DSP: variants seen among roughly 807,000 people sequenced by gnomAD.
The protein encoded by DSP is 250/210 kDa paraneoplastic pemphigus antigen.
A neutral mutation model predicts 290.6 loss-of-function variants in DSP; 114 were observed. The ratio of observed to expected loss-of-function variants is 0.39; its 90% CI spans 0.34 to 0.46. DSP has a LOEUF of 0.46. Among genes scored for constraint, DSP ranks in the 20% least tolerant of loss-of-function variants. The pLI is 0.99. For missense variants in DSP, 3,230 were observed against 3,495.8 expected, an observed-to-expected ratio of 0.92 and a Z score of 1.92; for synonymous variants, 1,311 against 1,316.4, an observed-to-expected ratio of 1.00 and a Z score of 0.09.
At chr6:7,552,564 GAAAA>G (rs377022218) in intron 1 of DSP, among the ~76,000 whole-genome samples, 1 of 101,608 alleles carries the variant, frequency 9.8e-6, no homozygotes, top group Admixed American at 1.1e-4. Flanking sequence ...CTCCATCTCG[GAAAA>G]AAAAAAAAAA....
Position 7,583,994 on chromosome 6 carries a change from C to G in DSP, c.6732C>G (p.Asp2244Glu), listed in dbSNP as rs764124433. ...NELESGQISY[D>E]EVGERIKDFL... Reference sequence around the variant, plus strand: ...TGGAATCTGGTCAGATTTCTTATGACGAGGTTGGTGAGAGAATTAAGGACT... The same window carrying G: ...TGGAATCTGGTCAGATTTCTTATGAGGAGGTTGGTGAGAGAATTAAGGACT... The change falls in exon 24 of 24, where the codon GAC becomes GAG. Residue 2244 changes from aspartate to glutamate, a missense_variant. Physicochemically the swap from Asp to Glu is conservative, Grantham distance 45. Coordinates refer to ENST00000379802, the MANE Select transcript of DSP (RefSeq NM_004415.4). This position sits in a 1 kb window ranked among gnomAD's most constrained non-coding sequence, Gnocchi z 4.0. 1.2e-6 allele frequency: 2 copies of G among 1,614,084 alleles called. No individual in the cohort carries two copies. Among genetic ancestry groups the G allele is most frequent in the East Asian group, 4.5e-5 (2 of 44,880 alleles).
chr6:7,558,150 G>A lies in DSP; in HGVS notation c.308G>A (p.Arg103Gln), dbSNP rs775015862. 15 of 1,614,056 alleles carry A rather than the reference G, an allele frequency of 9.3e-6. No individual in the cohort carries two copies. Among genetic ancestry groups the A allele is most frequent in the East Asian group, 2.2e-5 (1 of 44,902 alleles). The change falls in exon 3 of 24, where the codon CGG (arginine) becomes CAG (glutamine). Residue 103 changes from arginine to glutamine, a missense_variant. Arg to Gln is a conservative substitution (Grantham distance 43). Around this residue, in one of 5 missense-constraint regions of DSP, gnomAD observed 646 missense variants for 684.3 expected, o/e 0.94. Transcript: ENST00000379802. The stretch of plus-strand genomic sequence containing the variant: ...TATGGAGATGGAATACAACTGACTC[G>A]GAGTCGAGAATTGGATGAGTGTTTT... The part of the protein sequence containing the change: ...LKYGDGIQLT[R>Q]SRELDECFAQ...
At chr6:7,549,419 G>A (rs1758268351) in intron 1 of DSP, among the ~76,000 whole-genome samples, 1 of 152,188 alleles carries the variant, frequency 6.6e-6, no homozygotes, top group African/African-American at 2.4e-5. Flanking sequence ...GAAGTGTTGG[G>A]ATTACAGGCG....
At position 7,581,483 on chromosome 6, in the gene DSP, G is replaced by A; in HGVS notation, c.5293G>A (p.Glu1765Lys). 6.2e-7 allele frequency: 1 copy of A among 1,613,590 alleles called. No individual in the cohort carries two copies. Among genetic ancestry groups the A allele is most frequent in the Non-Finnish European group, 8.5e-7 (1 of 1,179,862 alleles). ...GCAGATCAGCAACAACCGGACCCTG[G>A]AACTGCAGGGGCTGATTAATGATTT... ...QLQISNNRTL[E>K]LQGLINDLQR... Residue 1765 changes from glutamate to lysine, a missense_variant, in exon 23 of 24, where the codon GAA (glutamate) becomes AAA (lysine). By Grantham distance (56) the Glu-to-Lys change is moderately conservative (BLOSUM62 1). Coordinates refer to ENST00000379802, the MANE Select transcript of DSP (RefSeq NM_004415.4).
chr6:7,544,345 G>A (rs1030748295), intron 1 of DSP, among the ~76,000 whole-genome samples: 2 of 152,340 alleles, frequency 1.3e-5, no homozygotes, highest in Middle Eastern at 3.4e-3. Flanking sequence ...TGGCTGTGGC[G>A]TGCACTTTGT....
In DSP at chr6:7,565,223, A is replaced by C; in HGVS notation, c.778-136A>C. Reference sequence around the variant, plus strand: ...CTTTTCCCATACCAGGTGGTCAGTGAATGCACAAGGTTAACATTTTTCCTA... The same window carrying C: ...CTTTTCCCATACCAGGTGGTCAGTGCATGCACAAGGTTAACATTTTTCCTA... On this transcript the variant is annotated intron_variant, in intron 6 of 23. Coordinates refer to ENST00000379802, the MANE Select transcript of DSP (RefSeq NM_004415.4). The surrounding 1 kb of genome is among the most constrained non-coding windows in gnomAD (Gnocchi z 4.2). 8.7e-7 allele frequency: 1 copy of C among 1,146,272 alleles called. No individual in the cohort carries two copies. Among genetic ancestry groups the C allele is most frequent in the Non-Finnish European group, 1.3e-6 (1 of 791,260 alleles). 71.0% of individuals were successfully genotyped at this position (1,146,272 alleles called of 1,614,324 possible).
chr6:7,585,523 G>T lies in DSP; in HGVS notation c.8261G>T (p.Gly2754Val). Residue 2754 changes from glycine to valine, a missense_variant, in exon 24 of 24, where the codon GGG (glycine) becomes GTG (valine). This residue lies in a region of DSP where 582 missense variants were observed against 555.4 expected (regional missense o/e 1.05). Coordinates refer to ENST00000379802, the MANE Select transcript of DSP (RefSeq NM_004415.4). ...RISTEEAIRK[G>V]FIDGRAAQRL... ...AGCACCGAAGAAGCCATCCGGAAGG[G>T]GTTCATAGATGGCCGCGCCGCACAG... 2 of 1,614,152 alleles carry T rather than the reference G, an allele frequency of 1.2e-6. No homozygotes were observed. Among genetic ancestry groups the T allele is most frequent in the South Asian group, 1.1e-5 (1 of 91,078 alleles).
At position 7,583,578 on chromosome 6, in the gene DSP, T is replaced by C; in HGVS notation, c.6316T>C (p.Ser2106Pro). The change falls in exon 24 of 24, where the codon TCT (serine) becomes CCT (proline). Residue 2106 changes from serine to proline, a missense_variant. Around this residue, in one of 5 missense-constraint regions of DSP, gnomAD observed 1,714 missense variants for 1,844.5 expected, o/e 0.93. Transcript: ENST00000379802. This position sits in a 1 kb window ranked among gnomAD's most constrained non-coding sequence, Gnocchi z 4.0. ...FDDPFSGKTVSVSEAIKKNLI... is the reference protein window; with the variant it reads ...FDDPFSGKTVPVSEAIKKNLI... ...TGATCCATTTTCAGGCAAGACAGTA[T>C]CTGTTTCAGAAGCCATCAAGAAAAA... is the stretch of plus-strand genomic sequence containing the variant. 3 of 1,614,140 alleles carry C rather than the reference T, an allele frequency of 1.9e-6. No homozygotes were observed. Among genetic ancestry groups the C allele is most frequent in the Non-Finnish European group, 2.5e-6 (3 of 1,180,026 alleles).
In DSP at chr6:7,585,365, G is replaced by A; in HGVS notation, c.8103G>A (p.Val2701=). The A allele has an allele frequency of 6.2e-7, 1 of 1,614,114 alleles. No homozygotes were observed. Reference sequence around the variant, plus strand: ...AAGCCTTCATAGGCTTCGAGGGTGTGAAGGGAAAGAAGAAGATGTCAGCAG... The same window carrying A: ...AAGCCTTCATAGGCTTCGAGGGTGTAAAGGGAAAGAAGAAGATGTCAGCAG... ...AQKAFIGFEG[V]KGKKKMSAAE... Residue 2701 remains valine, a synonymous_variant, in exon 24 of 24, where the codon GTG becomes GTA. Coordinates refer to ENST00000379802, the MANE Select transcript of DSP (RefSeq NM_004415.4).
chr6:7,569,526 G>A (rs931891960), intron 12 of DSP, among the ~76,000 whole-genome samples, 186 bp downstream of exon 12: 7 of 152,180 alleles, frequency 4.6e-5, no homozygotes, highest in African/African-American at 1.2e-4. Context: ...ATAGACAGTC[G>A]TTATTGAAGA....
rs760501352 is a variant in DSP, at chr6:7,584,511, G to T, written c.7249G>T (p.Asp2417Tyr). ...DPSDDTKGFF[D>Y]PNTEENLTYL... Reference sequence around the variant, plus strand: ...AAGTGATGATACCAAAGGATTTTTTGACCCCAACACTGAAGAAAATCTTAC... The same window carrying T: ...AAGTGATGATACCAAAGGATTTTTTTACCCCAACACTGAAGAAAATCTTAC... The change falls in exon 24 of 24, where the codon GAC becomes TAC. Residue 2417 changes from aspartate (D) to tyrosine (Y), a missense_variant. By Grantham distance (160) the Asp-to-Tyr change is radical. Coordinates refer to ENST00000379802, the MANE Select transcript of DSP (RefSeq NM_004415.4). The surrounding 1 kb of genome is among the most constrained non-coding windows in gnomAD (Gnocchi z 6.4). The T allele has an allele frequency of 1.9e-6, 3 of 1,614,058 alleles. No individual in the cohort carries two copies. The highest frequency in any genetic ancestry group is 1.1e-5 in the South Asian group (1 of 91,062).
At chr6:7,567,726 A>G in intron 9 of DSP, 55 bp from the exon 10 acceptor site, 2 of 1,612,100 alleles carry the variant, frequency 1.2e-6, no homozygotes, top group South Asian at 1.1e-5. Flanking sequence ...GAACTACTAG[A>G]TGAAATTGCT....
Position 7,580,726 on chromosome 6 carries a change from T to C in DSP, c.4536T>C (p.Tyr1512=). The change falls in exon 23 of 24, where the codon TAT becomes TAC. Residue 1512 remains tyrosine (Y), a synonymous_variant. Coordinates refer to ENST00000379802, the MANE Select transcript of DSP (RefSeq NM_004415.4). This position sits in a 1 kb window ranked among gnomAD's most constrained non-coding sequence, Gnocchi z 4.2. ...DENARLQRVQ[Y]DLQKANSSAT... is the part of the protein sequence containing the mutation. ...ACGCGAGATTACAAAGGGTCCAGTATGACCTGCAGAAAGCAAACAGTAGTG... is the reference window on the plus strand; with the variant it reads ...ACGCGAGATTACAAAGGGTCCAGTACGACCTGCAGAAAGCAAACAGTAGTG... The C allele has an allele frequency of 6.2e-7, 1 of 1,613,980 alleles. No homozygotes were observed. The highest frequency in any genetic ancestry group is 8.5e-7 in the Non-Finnish European group (1 of 1,179,952).
Position 7,583,330 on chromosome 6 carries a change from C to G in DSP, c.6068C>G (p.Ala2023Gly), listed in dbSNP as rs761605754. 3 of 1,614,202 alleles carry G rather than the reference C, an allele frequency of 1.9e-6. No homozygotes were observed. In the Admixed American group the frequency reaches 5.0e-5, roughly 27 times the overall value. The change falls in exon 24 of 24, where the codon GCT (alanine) becomes GGT (glycine). Residue 2023 changes from alanine (A) to glycine (G), a missense_variant. Physicochemically the swap from Ala to Gly is moderately conservative, Grantham distance 60. This residue lies in a region of DSP where 1,714 missense variants were observed against 1,844.5 expected (regional missense o/e 0.93). Coordinates refer to ENST00000379802, the MANE Select transcript of DSP (RefSeq NM_004415.4). The surrounding 1 kb of genome is among the most constrained non-coding windows in gnomAD (Gnocchi z 4.0). ...RGAGSIAGASASPKEKYSLVE... is the reference protein window; with the variant it reads ...RGAGSIAGASGSPKEKYSLVE... Reference sequence around the variant, plus strand: ...GCAGGATCTATCGCTGGAGCATCTGCTTCTCCTAAGGAAAAATACTCTTTG... The same window carrying G: ...GCAGGATCTATCGCTGGAGCATCTGGTTCTCCTAAGGAAAAATACTCTTTG...
intron 1 of DSP, among the ~76,000 whole-genome samples, chr6:7,542,723 C>A (rs1758039116): frequency 6.6e-6 from 1 of 152,206 alleles, no homozygotes; most frequent in Non-Finnish European, 1.5e-5. Context: ...CCCGCCGGGG[C>A]GGCTGCCGGG....
chr6:7,566,562 A>C, intron 8 of DSP, 81 bp downstream of exon 8: 3 of 1,152,570 alleles, frequency 2.6e-6, no homozygotes, highest in Admixed American at 2.0e-5. Context: ...AGTAATTCTT[A>C]TATGACTTAA....
At chr6:7,557,626 G>T (rs1758538651) in intron 2 of DSP, among the ~76,000 whole-genome samples, 1 of 152,202 alleles carries the variant, frequency 6.6e-6, no homozygotes, top group Non-Finnish European at 1.5e-5. Flanking sequence ...GTTGCAGTGA[G>T]CTGAGATCGT....
At chr6:7,558,953 AAAACGC>A (rs1441235518) in intron 3 of DSP, among the ~76,000 whole-genome samples, 3 of 152,214 alleles carry the variant, frequency 2.0e-5, no homozygotes, top group Admixed American at 6.5e-5. Flanking sequence ...CTCCCAGGAC[AAAACGC>A]AAGAGAAAAT....
In DSP at chr6:7,580,054, G is replaced by A. The variant is rs768166626; in HGVS notation, c.3864G>A (p.Lys1288=). The change falls in exon 23 of 24, where the codon AAG becomes AAA. Residue 1288 remains lysine (K), a synonymous_variant. Coordinates refer to ENST00000379802, the MANE Select transcript of DSP (RefSeq NM_004415.4). The surrounding 1 kb of genome is among the most constrained non-coding windows in gnomAD (Gnocchi z 4.2). ...GTGGCTCTGAGATAATGCAGAAGAA[G>A]CAGCATCTGGAGATAGAACTGAAGC... ...KACGSEIMQK[K]QHLEIELKQV... The A allele has an allele frequency of 1.4e-5, 22 of 1,613,932 alleles. No homozygotes were observed. The highest frequency in any genetic ancestry group is 2.7e-5 in the African/African-American group (2 of 74,848).
Sources: allele counts gnomAD v4.1 joint callset (sites outside exome capture counted in the v4.1 genomes callset), GRCh38; gene constraint gnomAD v4.1.1; regional missense constraint gnomAD v4.1.1; non-coding constraint Gnocchi (gnomAD v3.1); transcripts MANE v1.5; gene names NCBI Gene and HGNC (gene_info 2026-07-23, HGNC 2026-07-21).